Variants in DPYD observed in about 807,000 individuals in gnomAD.
DPYD encodes dihydropyrimidine dehydrogenase.
In DPYD, 109 loss-of-function variants were observed where a neutral mutation model predicts 116.2. The observed-to-expected ratio is 0.94, with a 90% CI of 0.80 to 1.10. The LOEUF (loss-of-function observed/expected upper bound fraction) is 1.10, where lower values mean the gene tolerates loss of function less well. Among genes scored for constraint, DPYD ranks in the 50% least tolerant of loss-of-function variants. The probability of loss-of-function intolerance (pLI) is 0.00; values close to 1 mark genes in which losing one functional copy is unlikely to be tolerated. For synonymous variants in DPYD, 440 were observed against 432.0 expected, an observed-to-expected ratio of 1.02 and a Z score of -0.23; for missense variants, 1,302 against 1,254.5, an observed-to-expected ratio of 1.04 and a Z score of -0.57.
At chr1:97,306,792 C>T (rs1405078887) in intron 16 of DPYD, among the ~76,000 whole-genome samples, 1 of 151,894 alleles carries the variant, frequency 6.6e-6, no homozygotes, top group Non-Finnish European at 1.5e-5. Context: ...ATGACTTCAT[C>T]ATCAATCTAC....
intron 10 of DPYD, among the ~76,000 whole-genome samples, chr1:97,583,087 G>A (rs1653809820): frequency 6.6e-6 from 1 of 151,986 alleles, no homozygotes; most frequent in African/African-American, 2.4e-5. Context: ...TCCTGTCTCA[G>A]CCTCCCGAGT....
intron 1 of DPYD, chr1:97,883,900 A>C (rs750101130): frequency 4.4e-6 from 2 of 458,972 alleles, no homozygotes; most frequent in Non-Finnish European, 8.4e-6. Flanking sequence ...GTTTAATAAA[A>C]TCAAGTGAGG....
At chr1:97,469,397 C>CAAAAGAAAAAAAAAAAAAAAAAAAAAAAA (rs1677504089) in intron 13 of DPYD, among the ~76,000 whole-genome samples, 1 of 80,800 alleles carries the variant, frequency 1.2e-5, no homozygotes, top group Non-Finnish European at 2.1e-5. Flanking sequence ...GCTAAAATTG[C>CAAAAGAAAAAAAAAAAAAAAAAAAAAAAA]AAAAAAAAAA....
intron 2 of DPYD, among the ~76,000 whole-genome samples, chr1:97,852,094 G>GA (rs1326319828): frequency 6.7e-6 from 1 of 149,914 alleles, no homozygotes; most frequent in Non-Finnish European, 1.5e-5. Context: ...CCAAATGAAA[G>GA]AATGTGGAAA....
intron 13 of DPYD, among the ~76,000 whole-genome samples, chr1:97,462,009 T>TG (rs1435767492): frequency 6.6e-6 from 1 of 152,136 alleles, no homozygotes; most frequent in Non-Finnish European, 1.5e-5. Flanking sequence ...ATTTTTTTTT[T>TG]GTTTGTTTCA....
chr1:97,480,237 A>G (rs61789180), intron 13 of DPYD, among the ~76,000 whole-genome samples: 21,031 of 152,174 alleles, frequency 0.14, 1,652 homozygotes, highest in Non-Finnish European at 0.18. Context: ...ATAAAATATC[A>G]AACTGAGAAA....
At chr1:97,840,606 G>GT (rs1176512624) in intron 2 of DPYD, among the ~76,000 whole-genome samples, 1 of 151,998 alleles carries the variant, frequency 6.6e-6, no homozygotes, top group African/African-American at 2.4e-5. Context: ...AGTAGGGTAA[G>GT]TTTTTTGTCT....
At chr1:97,708,363 A>G (rs1199883030) in intron 5 of DPYD, among the ~76,000 whole-genome samples, 2 of 152,170 alleles carry the variant, frequency 1.3e-5, no homozygotes. Context: ...ACTTTTTTAC[A>G]TATGGAAGTA....
chr1:97,712,167 G>A (rs564051629), intron 5 of DPYD, among the ~76,000 whole-genome samples: 225 of 152,072 alleles, frequency 1.5e-3, no homozygotes, highest in African/African-American at 5.2e-3. Context: ...GCCAATCTCT[G>A]TCTCTCTACT....
intron 20 of DPYD, among the ~76,000 whole-genome samples, chr1:97,100,125 T>C (rs1282019771): frequency 1.3e-5 from 2 of 152,040 alleles, no homozygotes; most frequent in Non-Finnish European, 2.9e-5. Flanking sequence ...TGGAGGGAGA[T>C]AGTATTTTGT....
chr1:97,309,234 T>C (rs2101050549), intron 16 of DPYD, among the ~76,000 whole-genome samples: 1 of 151,826 alleles, frequency 6.6e-6, no homozygotes, highest in Non-Finnish European at 1.5e-5. Context: ...CACAAAAACG[T>C]CTACGTAGAT....
intron 10 of DPYD, among the ~76,000 whole-genome samples, chr1:97,589,637 C>G (rs1410816428): frequency 6.6e-6 from 1 of 152,170 alleles, no homozygotes; most frequent in Non-Finnish European, 1.5e-5. Context: ...ATGTAACTGG[C>G]TTCTGTCATA....
At chr1:97,249,333 A>T (rs1662926668) in intron 18 of DPYD, among the ~76,000 whole-genome samples, 1 of 152,132 alleles carries the variant, frequency 6.6e-6, no homozygotes, top group African/African-American at 2.4e-5. Context: ...GAGGGGAAAA[A>T]AGCCATTCTA....
At chr1:97,322,737 C>T (rs140427347) in intron 16 of DPYD, 36 of 151,932 alleles carry the variant, frequency 2.4e-4, no homozygotes, top group African/African-American at 7.5e-4. Context: ...GGCGAGGTTA[C>T]CCCATTTTGG....
chr1:97,604,951 C>T (rs144424107), intron 8 of DPYD, among the ~76,000 whole-genome samples: 211 of 152,162 alleles, frequency 1.4e-3, no homozygotes, highest in African/African-American at 4.8e-3. Context: ...AGGGCTCACA[C>T]TTTTCATGAC....
chr1:97,790,357 G>C lies in DPYD; in HGVS notation c.233+37757C>G, dbSNP rs148883034. Among the ~76,000 whole-genome samples, 115 of 152,234 alleles carry C rather than the reference G, an allele frequency of 7.6e-4. 1 individual carries two copies. Among genetic ancestry groups the C allele is most frequent in the African/African-American group, 2.4e-3 (100 of 41,542 alleles). On this transcript the variant is annotated intron_variant, in intron 3 of 22. Coordinates refer to ENST00000370192, the MANE Select transcript of DPYD (RefSeq NM_000110.4). ...AGAGAGGAATGATACTAATATTTTA[G>C]TCTCTAATAGTTATTTCTTAAACAT...
In DPYD at chr1:97,305,293, C is replaced by A. The variant is rs2101035851; in HGVS notation, c.2265G>T (p.Gly755=). 1.2e-6 allele frequency: 2 copies of A among 1,612,430 alleles called. No individual in the cohort carries two copies. Among genetic ancestry groups the A allele is most frequent in the Non-Finnish European group, 1.7e-6 (2 of 1,178,942 alleles). Residue 755 remains glycine, a synonymous_variant, in exon 18 of 23, where the codon GGG becomes GGT. Transcript: ENST00000370192. ...CTCCATATGTAGTTCGCTTTGCAAT[C>A]CCCACTGCTGGCCAAGGTGTGCCAT... is the stretch of plus-strand genomic sequence containing the variant. ...KSDGTPWPAV[G]IAKRTTYGGV...
intron 2 of DPYD, among the ~76,000 whole-genome samples, chr1:97,862,624 T>G (rs1369794957): frequency 6.6e-6 from 1 of 151,924 alleles, no homozygotes; most frequent in South Asian, 2.1e-4. Context: ...GTGCACACTG[T>G]GTGATATGAC....
chr1:97,093,258 G>C (rs1475339435), intron 21 of DPYD, among the ~76,000 whole-genome samples: 1 of 152,076 alleles, frequency 6.6e-6, no homozygotes, highest in African/African-American at 2.4e-5. Flanking sequence ...TTATTGCCCT[G>C]CAGAAGCTCA....
Sources: gnomAD v4.1 joint callset for allele counts (sites outside exome capture counted in the v4.1 genomes callset) on GRCh38, gnomAD v4.1.1 for gene constraint, MANE v1.5 for transcripts, NCBI Gene and HGNC (gene_info 2026-07-23, HGNC 2026-07-21) for gene names.